Variants in EYS observed in about 807,000 individuals in gnomAD.
EYS encodes EGF-like photoreceptor maintenance factor.
In EYS, 250 loss-of-function variants were observed where a neutral mutation model predicts 282.1. The observed-to-expected ratio is 0.89, with a 90% confidence interval of 0.80 to 0.98. EYS has a LOEUF of 0.98. Among genes scored for constraint, EYS ranks in the 50% least tolerant of loss-of-function variants. The pLI is 0.00. For missense variants in EYS, 4,016 were observed against 3,709.0 expected, an observed-to-expected ratio of 1.08 and a Z score of -2.15; for synonymous variants, 1,355 against 1,282.9, an observed-to-expected ratio of 1.06 and a Z score of -1.20.
chr6:65,478,806 G>C (rs1765497409), intron 5 of EYS, among the ~76,000 whole-genome samples: 1 of 152,108 alleles, frequency 6.6e-6, no homozygotes, highest in Non-Finnish European at 1.5e-5. Context: ...AAAAGAGAGA[G>C]AGAAAGCCAC....
At chr6:63,974,574 A>G (rs1277679220) in intron 35 of EYS, among the ~76,000 whole-genome samples, 1 of 152,016 alleles carries the variant, frequency 6.6e-6, no homozygotes, top group Non-Finnish European at 1.5e-5. Context: ...AAAATTGAAG[A>G]TGAGATTTTC....
At chr6:64,326,191 C>A (rs1398111107) in intron 29 of EYS, among the ~76,000 whole-genome samples, 2 of 151,956 alleles carry the variant, frequency 1.3e-5, no homozygotes, top group South Asian at 2.1e-4. Flanking sequence ...CAAAGTGTGA[C>A]CCCCTTCCCC....
intron 41 of EYS, chr6:63,745,012 A>G: frequency 2.3e-6 from 1 of 430,324 alleles, no homozygotes; most frequent in Admixed American, 2.8e-5. Context: ...TTTCCAATAA[A>G]TTGATGACCT....
chr6:64,894,482 C>T (rs568976881), intron 18 of EYS, among the ~76,000 whole-genome samples: 3 of 152,100 alleles, frequency 2.0e-5, no homozygotes, highest in Non-Finnish European at 4.4e-5. Context: ...GGTGCTGCCT[C>T]ATGTATATAG....
intron 2 of EYS, among the ~76,000 whole-genome samples, chr6:65,521,069 C>A (rs763358441): frequency 4.6e-5 from 7 of 152,056 alleles, no homozygotes; most frequent in Admixed American, 1.3e-4. Flanking sequence ...TCATTCTGAA[C>A]AAGTTTATAT....
intron 12 of EYS, among the ~76,000 whole-genome samples, chr6:65,236,435 C>T (rs1200289689): frequency 2.0e-5 from 3 of 151,996 alleles, no homozygotes; most frequent in African/African-American, 7.2e-5. Flanking sequence ...TATGGTGAAA[C>T]CCCGTCTCTA....
chr6:65,167,473 T>G (rs1397387656), intron 12 of EYS, among the ~76,000 whole-genome samples: 1 of 151,270 alleles, frequency 6.6e-6, no homozygotes, highest in Non-Finnish European at 1.5e-5. Flanking sequence ...GGTATGTGAA[T>G]TATGTCTAAA....
At chr6:64,660,321 T>G (rs9342362) in intron 22 of EYS, among the ~76,000 whole-genome samples, 74,056 of 139,278 alleles carry the variant, frequency 0.53, 14,573 homozygotes, top group African/African-American at 0.59. Context: ...CTTTGAAAAC[T>G]GGCACAAGAC....
At chr6:64,538,130 A>G (rs1363817957) in intron 26 of EYS, among the ~76,000 whole-genome samples, 5 of 152,168 alleles carry the variant, frequency 3.3e-5, no homozygotes, top group Admixed American at 3.3e-4. Context: ...ATTTATGAGG[A>G]TGCAGTAAAA....
intron 12 of EYS, among the ~76,000 whole-genome samples, chr6:65,222,181 A>G (rs1321245900): frequency 6.6e-6 from 1 of 152,170 alleles, no homozygotes; most frequent in Non-Finnish European, 1.5e-5. Flanking sequence ...GTTAGAAGAC[A>G]TGATTGATTT....
At chr6:64,655,527 T>C (rs4710483) in intron 22 of EYS, among the ~76,000 whole-genome samples, 87,380 of 151,322 alleles carry the variant, frequency 0.58, 25,445 homozygotes, top group South Asian at 0.67. Flanking sequence ...ACATAGTAAT[T>C]AGAAAAAAAG....
chr6:64,534,226 T>A (rs1192524171), intron 26 of EYS, among the ~76,000 whole-genome samples: 1 of 151,994 alleles, frequency 6.6e-6, no homozygotes, highest in Admixed American at 6.6e-5. Context: ...TTTAGCATGA[T>A]GACCATATTT....
intron 35 of EYS, among the ~76,000 whole-genome samples, chr6:63,880,487 G>GTCTGTATCTATCTATCTATCTATC (rs537041801): frequency 7.7e-5 from 11 of 142,780 alleles, no homozygotes; most frequent in East Asian, 4.1e-4. Context: ...CTGTCTGTCT[G>GTCTGTATCTATCTATCTATCTATC]TATCTATCTA....
At chr6:65,413,791 G>A (rs1168398865) in intron 5 of EYS, among the ~76,000 whole-genome samples, 3 of 152,034 alleles carry the variant, frequency 2.0e-5, no homozygotes, top group African/African-American at 7.2e-5. Context: ...AGGAGGCAGA[G>A]CTTGCAGTGA....
At chr6:63,782,245 C>T (rs1043971425) in intron 39 of EYS, among the ~76,000 whole-genome samples, 1 of 152,146 alleles carries the variant, frequency 6.6e-6, no homozygotes, top group African/African-American at 2.4e-5. Flanking sequence ...GCTTTGGTAT[C>T]AGGATGATGC....
intron 31 of EYS, among the ~76,000 whole-genome samples, chr6:64,211,648 T>TTGCTAAAATTTAGCAAAATTTAATTC: frequency 6.8e-6 from 1 of 146,764 alleles, no homozygotes; most frequent in African/African-American, 2.5e-5. Flanking sequence ...AAATTTAATT[T>TTGCTAAAATTTAGCAAAATTTAATTC]TGCTAAAATT....
chr6:65,560,803 T>C (rs1037389005), intron 2 of EYS, among the ~76,000 whole-genome samples: 1 of 152,116 alleles, frequency 6.6e-6, no homozygotes, highest in Non-Finnish European at 1.5e-5. Context: ...TTATTATATA[T>C]ACTGGTCCCA....
chr6:64,040,353 G>GAA (rs1350893118), intron 33 of EYS, among the ~76,000 whole-genome samples: 10 of 152,150 alleles, frequency 6.6e-5, no homozygotes, highest in Non-Finnish European at 2.9e-5. Context: ...GTGTAATTTG[G>GAA]AATTGTAGTT....
intron 36 of EYS, among the ~76,000 whole-genome samples, chr6:63,813,542 A>G (rs778315222): frequency 6.4e-4 from 97 of 152,310 alleles, no homozygotes; most frequent in Admixed American, 3.5e-3. Flanking sequence ...TCTTAAGTGC[A>G]TCAAAAATTA....
Sources: allele counts gnomAD v4.1 joint callset (sites outside exome capture counted in the v4.1 genomes callset), GRCh38; gene constraint gnomAD v4.1.1; transcripts MANE v1.5; gene names NCBI Gene and HGNC (gene_info 2026-07-23, HGNC 2026-07-21).